Variants in RBM39 observed in about 807,000 individuals in gnomAD.
The protein encoded by RBM39 is RNA binding motif protein 39.
Under a neutral mutation model 79.6 loss-of-function variants are expected in RBM39, and 12 were observed. The observed-to-expected ratio is 0.15, with a 90% confidence interval of 0.10 to 0.24. The LOEUF (loss-of-function observed/expected upper bound fraction) is 0.24. RBM39 is among the 10% of genes least tolerant of loss of function. The pLI, the probability that RBM39 is intolerant of heterozygous loss-of-function variation, is 1.00. For missense variants in RBM39, 243 were observed against 653.4 expected (o/e 0.37, Z 6.85); for synonymous variants, 185 against 208.4 (o/e 0.89, Z 0.97).
chr20:35,737,848 C>CCAAAA lies in RBM39; in HGVS notation c.101+1119_101+1120insTTTTG, dbSNP rs1468925578. Among the ~76,000 whole-genome samples the CCAAAA allele has an allele frequency of 4.7e-3, 191 of 40,432 alleles. 3 individuals are homozygous for CCAAAA. The highest frequency in any genetic ancestry group is 0.014 in the African/African-American group (179 of 12,584). The allele number at this position is 40,432 out of a possible 152,430, so 26.5% of individuals were successfully genotyped here. On this transcript the variant is annotated intron_variant, in intron 3 of 16. Transcript: ENST00000253363. Reference sequence around the variant, plus strand: ...TGGGCAACAGAGCAAGACTCCGTGTCAAAAAAAAAAAAAAAAAAAAAAAGG... The same window carrying CCAAAA: ...TGGGCAACAGAGCAAGACTCCGTGTCCAAAAAAAAAAAAAAAAAAAAAAAAAAAGG...
chr20:35,731,908 C>T, intron 4 of RBM39, 33 bp downstream of exon 4: 1 of 1,600,446 alleles, frequency 6.2e-7, no homozygotes. Context: ...AGAGAATAAC[C>T]CTCAAACCAA....
chr20:35,740,561 A>G, intron 2 of RBM39: 3 of 1,417,384 alleles, frequency 2.1e-6, no homozygotes, highest in Non-Finnish European at 2.8e-6. Context: ...TCAAAGGTGA[A>G]TTCATGGGAG....
intron 12 of RBM39, 32 bp downstream of exon 12, chr20:35,712,987 C>A (rs771230890): frequency 6.4e-7 from 1 of 1,569,112 alleles, no homozygotes; most frequent in Non-Finnish European, 8.6e-7. Context: ...GATGAAAAAA[C>A]GATTTAAAAT....
At position 35,734,298 on chromosome 20, in the gene RBM39, T is replaced by C. The variant is rs763179505; in HGVS notation, c.102-2163A>G. ...AATCCACCTGACTGTCAGAAATGTA[T>C]ATGCTAGGTAGCACATGACAGAAAA... is the stretch of plus-strand genomic sequence containing the variant. On this transcript the variant is annotated intron_variant, in intron 3 of 16. Coordinates refer to ENST00000253363, the MANE Select transcript of RBM39 (RefSeq NM_184234.3). The C allele has an allele frequency of 9.7e-6, 11 of 1,130,882 alleles. No homozygotes were observed. In the African/African-American group the frequency reaches 1.4e-4, roughly 15 times the overall value. 70.1% of individuals were successfully genotyped at this position (1,130,882 alleles called of 1,614,324 possible). A position where few individuals can be genotyped will look rare whatever the true frequency, so the allele number is the denominator to read the frequency against.
chr20:35,734,179 C>T, intron 3 of RBM39: 2 of 1,297,020 alleles, frequency 1.5e-6, no homozygotes, highest in Non-Finnish European at 2.0e-6. Flanking sequence ...AAAATGAAGA[C>T]ACCCACCTTC....
intron 3 of RBM39, among the ~76,000 whole-genome samples, chr20:35,736,003 T>C (rs973836586): frequency 6.6e-6 from 1 of 152,184 alleles, no homozygotes; most frequent in Non-Finnish European, 1.5e-5. Flanking sequence ...ATGACCTTAG[T>C]GGCAAAAAGC....
chr20:35,739,301 T>A (rs1403733620), intron 2 of RBM39: 1 of 463,074 alleles, frequency 2.2e-6, no homozygotes, highest in South Asian at 2.0e-5. Flanking sequence ...TATCCAGATT[T>A]ACAATGTTGA....
chr20:35,716,977 T>C (rs1426070849), intron 9 of RBM39, among the ~76,000 whole-genome samples, 172 bp from the exon 10 acceptor site: 1 of 151,714 alleles, frequency 6.6e-6, no homozygotes, highest in Non-Finnish European at 1.5e-5. Context: ...TATAATTTTA[T>C]ATGTAAAATG....
rs72096088 is a variant in RBM39 at position 35,741,987 on chromosome 20, TTGCTGCTGC to T, written c.-69_-61del. 441 of 249,472 alleles carry T rather than the reference TTGCTGCTGC, an allele frequency of 1.8e-3. 1 individual carries two copies. The highest frequency in any genetic ancestry group is 5.0e-3 in the African/African-American group (209 of 42,148). The allele number at this position is 249,472 out of a possible 1,614,324, so 15.5% of individuals were successfully genotyped here. ...TGTGGTGCTCGTGTTCGGGAAGAGATTGCTGCTGCTGCTGCTGCTGCTGCCGCCGCCGCC... is the reference window on the plus strand; with the variant it reads ...TGTGGTGCTCGTGTTCGGGAAGAGATTGCTGCTGCTGCTGCCGCCGCCGCC... On this transcript the variant is annotated 5_prime_UTR_variant, in exon 1 of 17. Coordinates refer to ENST00000253363, the MANE Select transcript of RBM39 (RefSeq NM_184234.3).
intron 12 of RBM39, among the ~76,000 whole-genome samples, chr20:35,710,000 T>C (rs1362305352): frequency 1.3e-5 from 2 of 152,170 alleles, no homozygotes; most frequent in Non-Finnish European, 2.9e-5. Context: ...GTGACCAATA[T>C]ATTTTCTCAT....
At chr20:35,708,436 G>A (rs767310586) in intron 13 of RBM39, among the ~76,000 whole-genome samples, 81 of 152,004 alleles carry the variant, frequency 5.3e-4, no homozygotes, top group Non-Finnish European at 6.6e-4. Context: ...AAACATTCAC[G>A]TTCAAGCTAG....
rs559281500 is a variant in RBM39 at position 35,728,869 on chromosome 20, G to A, written c.416+443C>T. ...AAGGTGGGTGGACCATCTGAGGTCC[G>A]GAGCTCAACACTAGGCTAGCCAACA... On this transcript the variant is annotated intron_variant, in intron 6 of 16. Transcript: ENST00000253363. Among the ~76,000 whole-genome samples the A allele has an allele frequency of 3.3e-5, 5 of 151,932 alleles. No individual in the cohort carries two copies. The South Asian group carries it at 8.3e-4, about 25-fold the overall frequency.
At chr20:35,717,416 C>T (rs2146562545) in intron 9 of RBM39, among the ~76,000 whole-genome samples, 1 of 151,802 alleles carries the variant, frequency 6.6e-6, no homozygotes, top group East Asian at 1.9e-4. Flanking sequence ...AATACTAAAC[C>T]ACTGAAAACC....
chr20:35,740,908 TTTC>T (rs2040427461), intron 1 of RBM39, 21 bp from the exon 2 acceptor site: 1 of 1,553,150 alleles, frequency 6.4e-7, no homozygotes, highest in Non-Finnish European at 8.8e-7. Context: ...AACAAGACAA[TTTC>T]TTGAGTAAAC....
At chr20:35,716,074 A>T (rs894079692) in intron 10 of RBM39, among the ~76,000 whole-genome samples, 17 of 151,684 alleles carry the variant, frequency 1.1e-4, no homozygotes, top group South Asian at 4.2e-4. Context: ...TTATAGTTTT[A>T]TTTTTTTTCA....
intron 3 of RBM39, chr20:35,735,056 G>T (rs759842170): frequency 8.3e-6 from 13 of 1,571,502 alleles, no homozygotes; most frequent in Non-Finnish European, 8.6e-6. Flanking sequence ...CATGTAAGAA[G>T]ATCTAAATTT....
Position 35,729,179 on chromosome 20 carries a change from A to G in RBM39, c.416+133T>C, listed in dbSNP as rs925952835. The G allele has an allele frequency of 1.8e-5, 11 of 613,046 alleles. No individual in the cohort carries two copies. In the East Asian group the frequency reaches 2.4e-4, roughly 13 times the overall value. The allele number at this position is 613,046 out of a possible 1,614,324, so 38.0% of individuals were successfully genotyped here. On this transcript the variant is annotated intron_variant, in intron 6 of 16. Transcript: ENST00000253363. ...ACTCAGTAGAAATTCACTTGACCTT[A>G]AAGTACTGGAAGTGCAAAAGAAAGC... is the stretch of plus-strand genomic sequence containing the variant.
In RBM39 at chr20:35,701,614, T is replaced by A. The variant is rs534228337; in HGVS notation, c.*2867A>T. ...TAAAAATACAAAAACTTAAGCCGGG[T>A]GTGTTGACACGCGCCTGTATTCCCA... On this transcript the variant is annotated 3_prime_UTR_variant, in exon 17 of 17. Transcript: ENST00000253363. The A allele has an allele frequency of 6.6e-6, 1 of 151,882 alleles. No individual in the cohort carries two copies. The highest frequency in any genetic ancestry group is 1.5e-5 in the Non-Finnish European group (1 of 68,000). The allele number at this position is 151,882 out of a possible 1,614,324, so 9.4% of individuals were successfully genotyped here. A position where few individuals can be genotyped will look rare whatever the true frequency, so the allele number is the denominator to read the frequency against.
intron 11 of RBM39, 200 bp from the exon 12 acceptor site, chr20:35,713,296 G>A (rs771224838): frequency 2.2e-6 from 1 of 457,682 alleles, no homozygotes. Flanking sequence ...AGACCAACCT[G>A]GGCAACAATT....
Sources: allele counts gnomAD v4.1 joint callset (sites outside exome capture counted in the v4.1 genomes callset), GRCh38; gene constraint gnomAD v4.1.1; transcripts MANE v1.5; gene names NCBI Gene and HGNC (gene_info 2026-07-23, HGNC 2026-07-21).